RB1: variants seen among roughly 807,000 people sequenced by gnomAD.
RB1 encodes the protein RB transcriptional corepressor 1.
RB1 carries 18 observed loss-of-function variants against 135.4 expected under a neutral mutation model. The ratio of observed to expected loss-of-function variants is 0.13; its 90% CI spans 0.09 to 0.20. RB1 has a LOEUF of 0.20. Among genes scored for constraint, RB1 ranks in the 10% least tolerant of loss-of-function variants. The pLI is 1.00. For synonymous variants in RB1, 365 were observed against 373.2 expected (o/e 0.98, Z 0.25); for missense variants, 868 against 1,110.0 (o/e 0.78, Z 3.10).
At chr13:48,457,053 G>T (rs1221244047) in intron 19 of RB1, among the ~76,000 whole-genome samples, 1 of 152,184 alleles carries the variant, frequency 6.6e-6, no homozygotes, top group Admixed American at 6.5e-5. Flanking sequence ...TTTCAGCCTC[G>T]CCATTTGGTG....
intron 18 of RB1, among the ~76,000 whole-genome samples, chr13:48,455,201 C>T (rs969366211): frequency 6.6e-6 from 1 of 152,064 alleles, no homozygotes; most frequent in African/African-American, 2.4e-5. Flanking sequence ...TTAAAAATAA[C>T]CCTAGGTTTT....
chr13:48,368,786 A>G (rs1236163287), intron 11 of RB1, among the ~76,000 whole-genome samples, 182 bp downstream of exon 11: 1 of 152,180 alleles, frequency 6.6e-6, no homozygotes, highest in Non-Finnish European at 1.5e-5. Flanking sequence ...CGGGCAGATC[A>G]CCTGAGGTTA....
At chr13:48,473,444 A>C in intron 24 of RB1, 54 bp downstream of exon 24, 1 of 1,427,644 alleles carries the variant, frequency 7.0e-7, no homozygotes, top group Admixed American at 1.7e-5. Flanking sequence ...GTATAAAAGA[A>C]ATTAAAGCTT....
At chr13:48,336,974 C>G (rs1181827285) in intron 2 of RB1, among the ~76,000 whole-genome samples, 2 of 152,186 alleles carry the variant, frequency 1.3e-5, no homozygotes, top group Non-Finnish European at 2.9e-5. Context: ...TGTTCAGTTT[C>G]CATGTAGTTA....
rs2138026547 is a variant in RB1 at position 48,303,835 on chromosome 13, G to T, written c.-78G>T. The T allele has an allele frequency of 6.7e-7, 1 of 1,491,560 alleles. No individual in the cohort carries two copies. Among genetic ancestry groups the T allele is most frequent in the South Asian group, 1.2e-5 (1 of 80,196 alleles). 92.4% of individuals were successfully genotyped at this position (1,491,560 alleles called of 1,614,324 possible). On this transcript the variant is annotated 5_prime_UTR_variant, in exon 1 of 27. Transcript: ENST00000267163. ...GTAACGGGAGTCGGGAGAGGACGGG[G>T]CGTGCCCCGACGTGCGCGCGCGTCG...
intron 13 of RB1, 78 bp downstream of exon 13, chr13:48,377,112 ACT>A: frequency 7.2e-7 from 1 of 1,387,676 alleles, no homozygotes. Flanking sequence ...TCGTATAAAT[ACT>A]CTAACAGTAT....
intron 24 of RB1, among the ~76,000 whole-genome samples, chr13:48,476,112 G>A (rs138167237): frequency 8.5e-5 from 13 of 152,208 alleles, no homozygotes; most frequent in Admixed American, 6.5e-4. Flanking sequence ...GGGAGAATTC[G>A]CTAGTTTAAT....
intron 17 of RB1, among the ~76,000 whole-genome samples, chr13:48,401,737 TG>T (rs1646792267): frequency 6.6e-6 from 1 of 152,192 alleles, no homozygotes. Context: ...ATTTAGAACA[TG>T]ATAAGGAAAC....
At chr13:48,433,114 A>T (rs1244231452) in intron 17 of RB1, among the ~76,000 whole-genome samples, 3 of 152,188 alleles carry the variant, frequency 2.0e-5, no homozygotes, top group Non-Finnish European at 4.4e-5. Flanking sequence ...AATATGAGAA[A>T]TAAATTAATT....
intron 6 of RB1, among the ~76,000 whole-genome samples, chr13:48,351,806 T>C (rs921938939): frequency 1.3e-5 from 2 of 152,088 alleles, no homozygotes; most frequent in African/African-American, 4.8e-5. Flanking sequence ...CCTGAGTAAC[T>C]GGGACTACAG....
At chr13:48,337,554 A>G (rs1006810067) in intron 2 of RB1, among the ~76,000 whole-genome samples, 4 of 151,818 alleles carry the variant, frequency 2.6e-5, no homozygotes, top group African/African-American at 9.7e-5. Context: ...CCATTCCTTT[A>G]TTTTGAGCCT....
Position 48,387,717 on chromosome 13 carries a change from G to A in RB1, c.1695+6274G>A, listed in dbSNP as rs142709141. Among the ~76,000 whole-genome samples the A allele has an allele frequency of 4.1e-3, 624 of 152,180 alleles. 15 individuals carry two copies. The highest frequency in any genetic ancestry group is 0.033 in the Admixed American group (503 of 15,280). On this transcript the variant is annotated intron_variant, in intron 17 of 26. Coordinates refer to ENST00000267163, the MANE Select transcript of RB1 (RefSeq NM_000321.3). ...ATTAAATGGGTGAATTGTATAGGAT[G>A]TAATTTTTTAAATTTCTGTTTTAAT... is the stretch of plus-strand genomic sequence containing the variant.
intron 2 of RB1, among the ~76,000 whole-genome samples, chr13:48,327,105 A>C (rs1952293765): frequency 3.9e-5 from 6 of 152,152 alleles, no homozygotes; most frequent in Admixed American, 3.9e-4. Flanking sequence ...ATTGGATTTC[A>C]CAAGTTAGTA....
In RB1 at chr13:48,397,581, G is replaced by A. The variant is rs779449468; in HGVS notation, c.1695+16138G>A. On this transcript the variant is annotated intron_variant, in intron 17 of 26. Transcript: ENST00000267163. Reference sequence around the variant, plus strand: ...TAGGTGCAGCAAACCACCATGGCACGCGTATACCTATGTAACAAACCTGCA... The same window carrying A: ...TAGGTGCAGCAAACCACCATGGCACACGTATACCTATGTAACAAACCTGCA... Among the ~76,000 whole-genome samples, 14 of 152,158 alleles carry A rather than the reference G, an allele frequency of 9.2e-5. No individual in the cohort carries two copies. In the South Asian group the frequency reaches 1.2e-3, roughly 14 times the overall value.
intron 17 of RB1, among the ~76,000 whole-genome samples, chr13:48,396,159 A>G (rs1237095849): frequency 6.6e-6 from 1 of 152,196 alleles, no homozygotes; most frequent in East Asian, 1.9e-4. Flanking sequence ...TAAATTTTAT[A>G]TAGAACCTAA....
intron 17 of RB1, among the ~76,000 whole-genome samples, chr13:48,430,763 AAC>A (rs1455952109): frequency 6.2e-5 from 2 of 32,440 alleles, no homozygotes; most frequent in Non-Finnish European, 3.9e-4. Flanking sequence ...CAAACAAACA[AAC>A]AAAAAAAAAA....
intron 17 of RB1, among the ~76,000 whole-genome samples, chr13:48,423,510 A>G (rs778747874): frequency 1.3e-5 from 2 of 152,226 alleles, no homozygotes; most frequent in African/African-American, 2.4e-5. Flanking sequence ...TTATGTTTCA[A>G]TAGCATTCTT....
intron 17 of RB1, chr13:48,426,769 A>G (rs899513765): frequency 6.6e-6 from 1 of 151,916 alleles, no homozygotes; most frequent in Admixed American, 6.6e-5. Flanking sequence ...TTTCTTACTG[A>G]TGTTGTGCTA....
rs531467635 is a variant in RB1 at position 48,320,737 on chromosome 13, C to G, written c.264+13331C>G. On this transcript the variant is annotated intron_variant, in intron 2 of 26. Coordinates refer to ENST00000267163, the MANE Select transcript of RB1 (RefSeq NM_000321.3). Reference sequence around the variant, plus strand: ...TCCCAGCTACTCGTGAGGCAGAGGCCAGGGAATCGCTTGAAGCCGGAAGGT... The same window carrying G: ...TCCCAGCTACTCGTGAGGCAGAGGCGAGGGAATCGCTTGAAGCCGGAAGGT... 5.5e-3 allele frequency among the ~76,000 whole-genome samples: 829 copies of G among 151,722 alleles called. 5 individuals carry two copies. The highest frequency in any genetic ancestry group is 0.01 in the Middle Eastern group (3 of 292).
Sources: gnomAD v4.1 joint callset for allele counts (sites outside exome capture counted in the v4.1 genomes callset) on GRCh38, gnomAD v4.1.1 for gene constraint, MANE v1.5 for transcripts, NCBI Gene and HGNC (gene_info 2026-07-23, HGNC 2026-07-21) for gene names.